Variants in CHN2 observed in about 807,000 individuals in gnomAD.
CHN2 encodes chimerin 2.
In CHN2, 35 loss-of-function variants were observed where a neutral mutation model predicts 56.3. The ratio of observed to expected loss-of-function variants is 0.62; its 90% CI spans 0.47 to 0.82. The LOEUF (loss-of-function observed/expected upper bound fraction) is 0.82, where lower values mean the gene tolerates loss of function less well. Among genes scored for constraint, CHN2 ranks in the 40% least tolerant of loss-of-function variants. The pLI, the probability that CHN2 is intolerant of heterozygous loss-of-function variation, is 0.00. For missense variants in CHN2, 491 were observed against 580.5 expected (o/e 0.85, Z 1.58); for synonymous variants, 210 against 212.8 (o/e 0.99, Z 0.12).
At chr7:29,483,296 T>A (rs1787549799) in intron 7 of CHN2, among the ~76,000 whole-genome samples, 1 of 152,100 alleles carries the variant, frequency 6.6e-6, no homozygotes, top group Non-Finnish European at 1.5e-5. Flanking sequence ...CCCCCAACAT[T>A]CCCTAAGTTG....
rs10269061 is a variant in CHN2 at position 29,361,364 on chromosome 7, T to A, written c.89-6568T>A. ...TATTTTTATATGGTTGCCGTGGTAA[T>A]TGATTGTCATCTCATTATCTTTATA... On this transcript the variant is annotated intron_variant, in intron 2 of 12. Transcript: ENST00000222792. Among the ~76,000 whole-genome samples the A allele has an allele frequency of 6.7e-3, 1,016 of 152,300 alleles. 14 individuals carry two copies. Among genetic ancestry groups the A allele is most frequent in the African/African-American group, 0.022 (933 of 41,564 alleles).
chr7:29,319,702 A>G (rs75913523), intron 1 of CHN2, among the ~76,000 whole-genome samples: 2,732 of 152,276 alleles, frequency 0.018, 91 homozygotes, highest in African/African-American at 0.063. Context: ...AAGCTACTTT[A>G]TTTCCAGCAT....
At chr7:29,468,710 G>A (rs1020907104) in intron 6 of CHN2, among the ~76,000 whole-genome samples, 3 of 152,040 alleles carry the variant, frequency 2.0e-5, no homozygotes, top group African/African-American at 7.3e-5. Context: ...GACTGCTGCT[G>A]GAAACTGCTC....
chr7:29,341,897 C>T lies in CHN2; in HGVS notation c.50-12728C>T, dbSNP rs551530213. On this transcript the variant is annotated intron_variant, in intron 1 of 12. Coordinates refer to ENST00000222792, the MANE Select transcript of CHN2 (RefSeq NM_004067.4). ...TCTGGATTTGAATTCTACCTTTTCA[C>T]CAACCATGTGGCCTTGGGAAAGTGA... Among the ~76,000 whole-genome samples, 15 of 152,324 alleles carry T rather than the reference C, an allele frequency of 9.8e-5. 1 individual carries two copies. The South Asian group carries it at 3.1e-3, about 32-fold the overall frequency.
intron 1 of CHN2, among the ~76,000 whole-genome samples, chr7:29,237,500 A>ATT (rs59741380): frequency 5.3e-4 from 81 of 151,880 alleles, no homozygotes; most frequent in East Asian, 1.4e-3. Context: ...ACAAAACTTG[A>ATT]TTTTTTTTTC....
chr7:29,271,014 A>G (rs1790590249), intron 1 of CHN2, among the ~76,000 whole-genome samples: 1 of 152,188 alleles, frequency 6.6e-6, no homozygotes, highest in African/African-American at 2.4e-5. Context: ...CATTATCTTG[A>G]TAATCTTTGT....
intron 2 of CHN2, among the ~76,000 whole-genome samples, chr7:29,152,112 CTA>C (rs1472385155): frequency 2.6e-5 from 4 of 152,192 alleles, no homozygotes; most frequent in Non-Finnish European, 5.9e-5. Context: ...AAAAGTGACT[CTA>C]TAGCCTCTGA....
chr7:29,339,080 A>T (rs1344919167), intron 1 of CHN2, among the ~76,000 whole-genome samples: 1 of 152,192 alleles, frequency 6.6e-6, no homozygotes, highest in African/African-American at 2.4e-5. Context: ...CCTCAATTAC[A>T]TTCTGGAAAA....
At chr7:29,279,741 T>TG (rs1321613881) in intron 1 of CHN2, among the ~76,000 whole-genome samples, 1 of 152,102 alleles carries the variant, frequency 6.6e-6, no homozygotes, top group African/African-American at 2.4e-5. Context: ...GTGTGGTTCA[T>TG]GGGGAGGGGA....
intron 6 of CHN2, among the ~76,000 whole-genome samples, chr7:29,464,984 C>T (rs1223961024): frequency 2.0e-5 from 3 of 152,188 alleles, no homozygotes; most frequent in Non-Finnish European, 4.4e-5. Flanking sequence ...ATCCCCAGAA[C>T]CAATCTAAGC....
At chr7:29,225,061 T>C (rs1786087138) in intron 1 of CHN2, among the ~76,000 whole-genome samples, 1 of 152,208 alleles carries the variant, frequency 6.6e-6, no homozygotes, top group Admixed American at 6.5e-5. Flanking sequence ...GACACCTCCA[T>C]TTTCAATCAC....
chr7:29,492,014 A>G (rs568474831), intron 7 of CHN2, among the ~76,000 whole-genome samples: 6 of 152,218 alleles, frequency 3.9e-5, no homozygotes, highest in African/African-American at 1.2e-4. Flanking sequence ...CCTAGATTCA[A>G]TTTGCTTCTC....
intron 1 of CHN2, among the ~76,000 whole-genome samples, chr7:29,298,740 T>A (rs1793400162): frequency 6.6e-6 from 1 of 152,188 alleles, no homozygotes; most frequent in South Asian, 2.1e-4. Context: ...TGCTGGTTGG[T>A]TTACAAGAAC....
chr7:29,346,753 C>G (rs956002737), intron 1 of CHN2, among the ~76,000 whole-genome samples: 5 of 152,186 alleles, frequency 3.3e-5, no homozygotes, highest in Non-Finnish European at 5.9e-5. Context: ...TCCACTGAGC[C>G]GAGTGAAGGA....
intron 3 of CHN2, among the ~76,000 whole-genome samples, chr7:29,374,465 G>A (rs905850077): frequency 2.0e-5 from 3 of 151,970 alleles, no homozygotes; most frequent in Admixed American, 1.3e-4. Context: ...TACTCCCCCT[G>A]CCTCCAAATT....
At chr7:29,244,275 T>C (rs2128812536) in intron 1 of CHN2, among the ~76,000 whole-genome samples, 2 of 152,316 alleles carry the variant, frequency 1.3e-5, no homozygotes, top group Middle Eastern at 3.4e-3. Flanking sequence ...GAGGTGGCCC[T>C]GGGTAACCCC....
rs116261401 is a variant in CHN2 at position 29,375,949 on chromosome 7, G to T, written c.144+7962G>T. Reference sequence around the variant, plus strand: ...AGCTATAGTGAGGATTTAAAGACATGCTTCACATTTTGCTCACCTGGTTAA... The same window carrying T: ...AGCTATAGTGAGGATTTAAAGACATTCTTCACATTTTGCTCACCTGGTTAA... On this transcript the variant is annotated intron_variant, in intron 3 of 12. Coordinates refer to ENST00000222792, the MANE Select transcript of CHN2 (RefSeq NM_004067.4). Among the ~76,000 whole-genome samples the T allele has an allele frequency of 2.2e-3, 338 of 152,286 alleles. 2 individuals are homozygous for T. The highest frequency in any genetic ancestry group is 7.7e-3 in the African/African-American group (319 of 41,578).
intron 6 of CHN2, among the ~76,000 whole-genome samples, chr7:29,435,503 G>A (rs962454172): frequency 7.9e-5 from 12 of 152,224 alleles, no homozygotes; most frequent in African/African-American, 2.9e-4. Context: ...GCTGTATGGT[G>A]TGGCCTATTG....
rs564202891 is a variant in CHN2 at position 29,465,514 on chromosome 7, AG to A, written c.577-14763del. ...CTATTACAATACACATCTCACATTG[AG>A]GAAATGAGGCACAAAGAGGTTAAAT... On this transcript the variant is annotated intron_variant, in intron 6 of 12. Coordinates refer to ENST00000222792, the MANE Select transcript of CHN2 (RefSeq NM_004067.4). Among the ~76,000 whole-genome samples the A allele has an allele frequency of 3.2e-3, 493 of 152,312 alleles. 2 individuals are homozygous for A. The highest frequency in any genetic ancestry group is 4.5e-3 in the Non-Finnish European group (304 of 68,026).
Sources: gnomAD v4.1 joint callset for allele counts (sites outside exome capture counted in the v4.1 genomes callset) on GRCh38, gnomAD v4.1.1 for gene constraint, MANE v1.5 for transcripts, NCBI Gene and HGNC (gene_info 2026-07-23, HGNC 2026-07-21) for gene names.